THRB: variants seen among roughly 807,000 people sequenced by gnomAD.
THRB encodes thyroid hormone receptor beta.
Under a neutral mutation model 47.8 loss-of-function variants are expected in THRB, and 12 were observed. That is an observed-to-expected ratio of 0.25 (90% CI 0.16 to 0.41). THRB has a LOEUF of 0.41. Ranked by LOEUF, THRB falls within the 10% of genes least tolerant of loss-of-function variation. THRB has a pLI of 1.00. For synonymous variants in THRB, 218 were observed against 212.2 expected, an observed-to-expected ratio of 1.03 and a Z score of -0.24; for missense variants, 348 against 589.2, an observed-to-expected ratio of 0.59 and a Z score of 4.24.
At chr3:24,261,241 G>A (rs1271283490) in intron 3 of THRB, among the ~76,000 whole-genome samples, 3 of 122,364 alleles carry the variant, frequency 2.5e-5, no homozygotes, top group African/African-American at 1.1e-4. Context: ...AGTGGCTCAC[G>A]CCTGTAATCT....
At chr3:24,412,893 A>G (rs980163476) in intron 1 of THRB, among the ~76,000 whole-genome samples, 1 of 151,876 alleles carries the variant, frequency 6.6e-6, no homozygotes, top group African/African-American at 2.4e-5. Context: ...ATAATATTCC[A>G]TTTAAAATAT....
At chr3:24,231,606 A>G (rs1456949142) in intron 3 of THRB, among the ~76,000 whole-genome samples, 3 of 152,090 alleles carry the variant, frequency 2.0e-5, no homozygotes, top group East Asian at 1.9e-4. Flanking sequence ...ATTATTTAGT[A>G]TTTAGTAGTA....
At chr3:24,194,054 C>G (rs528403826) in intron 4 of THRB, among the ~76,000 whole-genome samples, 3 of 152,272 alleles carry the variant, frequency 2.0e-5, no homozygotes, top group Non-Finnish European at 4.4e-5. Flanking sequence ...CGTTTTCACT[C>G]ATGTGTGGGA....
At chr3:24,257,268 A>G (rs1465197002) in intron 3 of THRB, among the ~76,000 whole-genome samples, 2 of 152,016 alleles carry the variant, frequency 1.3e-5, no homozygotes, top group East Asian at 3.9e-4. Context: ...ATTTTTTGGT[A>G]TATCAAAAGG....
intron 5 of THRB, among the ~76,000 whole-genome samples, chr3:24,160,200 A>AG (rs2038583385): frequency 6.6e-6 from 1 of 152,162 alleles, no homozygotes; most frequent in East Asian, 1.9e-4. Flanking sequence ...CAGAGAGAGG[A>AG]ACCCATGGGG....
chr3:24,152,076 T>C (rs979198068), intron 6 of THRB, among the ~76,000 whole-genome samples: 6 of 152,248 alleles, frequency 3.9e-5, no homozygotes, highest in African/African-American at 1.2e-4. Flanking sequence ...AAAGGACCTA[T>C]GCTTTTTAAA....
intron 1 of THRB, among the ~76,000 whole-genome samples, chr3:24,441,682 C>T (rs182020283): frequency 1.0e-3 from 154 of 152,284 alleles, no homozygotes; most frequent in African/African-American, 3.5e-3. Flanking sequence ...CTTGCCTACA[C>T]GACCACTGTG....
intron 2 of THRB, among the ~76,000 whole-genome samples, chr3:24,312,738 G>A (rs55941891): frequency 0.1 from 15,915 of 152,236 alleles, 910 homozygotes; most frequent in South Asian, 0.2. Context: ...GGTGAGATCT[G>A]TGAGTCTGGG....
intron 5 of THRB, among the ~76,000 whole-genome samples, chr3:24,173,377 A>C (rs191347908): frequency 8.1e-4 from 123 of 152,296 alleles, no homozygotes; most frequent in African/African-American, 2.8e-3. Flanking sequence ...AGGCCTAATT[A>C]GGCTAGGAAG....
intron 1 of THRB, among the ~76,000 whole-genome samples, chr3:24,440,650 T>G (rs952551800): frequency 3.3e-5 from 5 of 152,246 alleles, no homozygotes; most frequent in Admixed American, 2.6e-4. Context: ...TCAGAGGTCA[T>G]TCTAGGTATA....
chr3:24,331,479 C>A (rs1321610317), intron 2 of THRB, among the ~76,000 whole-genome samples: 3 of 152,120 alleles, frequency 2.0e-5, no homozygotes, highest in African/African-American at 7.2e-5. Context: ...TTCTCCTTCT[C>A]ACATTCTCTT....
intron 1 of THRB, among the ~76,000 whole-genome samples, chr3:24,440,859 T>C (rs1042431032): frequency 2.0e-5 from 3 of 152,188 alleles, no homozygotes; most frequent in African/African-American, 7.2e-5. Context: ...TAGTTATCTA[T>C]TGCTGCATGA....
intron 2 of THRB, among the ~76,000 whole-genome samples, chr3:24,303,828 T>C (rs1194885388): frequency 6.6e-6 from 1 of 152,234 alleles, no homozygotes; most frequent in East Asian, 1.9e-4. Flanking sequence ...ATTTTACAGA[T>C]GCATTTCCTA....
At chr3:24,123,879 G>T (rs2148792671) in intron 10 of THRB, among the ~76,000 whole-genome samples, 1 of 152,250 alleles carries the variant, frequency 6.6e-6, no homozygotes, top group East Asian at 1.9e-4. Context: ...GCAGACTACT[G>T]GGCTTCCCAT....
chr3:24,200,131 A>T lies in THRB; in HGVS notation c.23-9797T>A, dbSNP rs548567414. ...GAAAAGCTACAGTGGTTGCAGAAAC[A>T]TTCATATTAACGAGCCACAAATGCA... On this transcript the variant is annotated intron_variant, in intron 4 of 10. Coordinates refer to ENST00000646209, the MANE Select transcript of THRB (RefSeq NM_001354712.2). Among the ~76,000 whole-genome samples, 30 of 152,354 alleles carry T rather than the reference A, an allele frequency of 2.0e-4. 1 individual carries two copies. In the South Asian group the frequency reaches 5.8e-3, roughly 29 times the overall value.
chr3:24,124,049 C>T (rs1392368369), intron 10 of THRB, among the ~76,000 whole-genome samples: 1 of 152,198 alleles, frequency 6.6e-6, no homozygotes, highest in Admixed American at 6.5e-5. Context: ...GGAGGCCCAA[C>T]GTGCCCCTGC....
chr3:24,352,711 A>G (rs2063429813), intron 1 of THRB, among the ~76,000 whole-genome samples: 1 of 152,152 alleles, frequency 6.6e-6, no homozygotes, highest in South Asian at 2.1e-4. Flanking sequence ...AAAACTATAC[A>G]CACAAAATAT....
intron 7 of THRB, 24 bp from the exon 8 acceptor site, chr3:24,143,730 C>A (rs768123304): frequency 1.2e-6 from 2 of 1,612,446 alleles, no homozygotes; most frequent in African/African-American, 1.3e-5. Flanking sequence ...AAAGATGAGA[C>A]AAGGCACACA....
intron 3 of THRB, among the ~76,000 whole-genome samples, chr3:24,267,208 T>G (rs1433155407): frequency 2.7e-5 from 4 of 145,508 alleles, no homozygotes; most frequent in Non-Finnish European, 4.6e-5. Flanking sequence ...GAAGAAAATT[T>G]CATAAAATAG....
Sources: allele counts gnomAD v4.1 joint callset (sites outside exome capture counted in the v4.1 genomes callset), GRCh38; gene constraint gnomAD v4.1.1; transcripts MANE v1.5; gene names NCBI Gene and HGNC (gene_info 2026-07-23, HGNC 2026-07-21).